KSR2: variants seen among roughly 807,000 people sequenced by gnomAD.
KSR2 encodes the protein kinase suppressor of ras 2.
A neutral mutation model predicts 107.8 loss-of-function variants in KSR2; 25 were observed. The observed-to-expected ratio is 0.23, with a 90% CI of 0.17 to 0.32. The LOEUF is 0.32. KSR2 is among the 10% of genes least tolerant of loss of function. The pLI is 1.00. For synonymous variants in KSR2, 480 were observed against 507.0 expected (o/e 0.95, Z 0.71); for missense variants, 887 against 1,268.9 (o/e 0.70, Z 4.57).
In KSR2 at chr12:117,636,917, G is replaced by T. The variant is rs571846723; in HGVS notation, c.1171+30557C>A. On this transcript the variant is annotated intron_variant, in intron 5 of 19. Coordinates refer to ENST00000339824, the MANE Select transcript of KSR2 (RefSeq NM_173598.6). ...TTGCCACATATATACCAAAGCATTA[G>T]AATTCAGAATACTTTTTTAGTTTCT... Among the ~76,000 whole-genome samples the T allele has an allele frequency of 3.3e-5, 5 of 151,902 alleles. No individual in the cohort carries two copies. In the East Asian group the frequency reaches 7.7e-4, roughly 23 times the overall value.
chr12:117,868,494 C>T (rs78620701), intron 1 of KSR2, among the ~76,000 whole-genome samples: 185 of 152,086 alleles, frequency 1.2e-3, no homozygotes, highest in African/African-American at 4.0e-3. Context: ...CCCCCATGTG[C>T]CAGGCCCATG....
intron 1 of KSR2, among the ~76,000 whole-genome samples, chr12:117,941,380 A>T (rs1895999920): frequency 6.6e-6 from 1 of 151,930 alleles, no homozygotes; most frequent in East Asian, 1.9e-4. Flanking sequence ...GGGGAAAAAA[A>T]ATCATCTTAA....
chr12:117,827,430 C>T (rs1048487482), intron 3 of KSR2, among the ~76,000 whole-genome samples: 35 of 152,202 alleles, frequency 2.3e-4, no homozygotes, highest in African/African-American at 8.4e-4. Flanking sequence ...AACAACCTGG[C>T]TCCAAGACTT....
At chr12:117,885,062 C>A (rs1326905638) in intron 1 of KSR2, among the ~76,000 whole-genome samples, 1 of 152,132 alleles carries the variant, frequency 6.6e-6, no homozygotes, top group African/African-American at 2.4e-5. Context: ...CTTCACCCAC[C>A]GGGGCCTCAG....
At chr12:117,966,794 C>T (rs918851458) in intron 1 of KSR2, among the ~76,000 whole-genome samples, 1 of 151,850 alleles carries the variant, frequency 6.6e-6, no homozygotes, top group Non-Finnish European at 1.5e-5. Context: ...AAAGCGAATC[C>T]GAGAAAAGCA....
chr12:117,687,135 C>T (rs1381183933), intron 4 of KSR2, among the ~76,000 whole-genome samples: 1 of 152,184 alleles, frequency 6.6e-6, no homozygotes, highest in African/African-American at 2.4e-5. Flanking sequence ...GCTTCCAGCA[C>T]GACCTTGGGC....
intron 5 of KSR2, among the ~76,000 whole-genome samples, chr12:117,623,499 A>T (rs1440981248): frequency 6.6e-6 from 1 of 151,938 alleles, no homozygotes; most frequent in East Asian, 1.9e-4. Flanking sequence ...TGTCCTTGTG[A>T]CTAGTTTGCT....
chr12:117,622,740 T>C (rs749157092), intron 5 of KSR2, among the ~76,000 whole-genome samples: 1 of 152,214 alleles, frequency 6.6e-6, no homozygotes, highest in Non-Finnish European at 1.5e-5. Context: ...AAATGTCATT[T>C]ACTCCACTTT....
At chr12:117,471,822 TA>T (rs963785174) in intron 17 of KSR2, among the ~76,000 whole-genome samples, 1 of 151,750 alleles carries the variant, frequency 6.6e-6, no homozygotes, top group Non-Finnish European at 1.5e-5. Flanking sequence ...TAACCTTAGG[TA>T]AAAAAAAGCA....
At chr12:117,880,949 C>T (rs997231760) in intron 1 of KSR2, among the ~76,000 whole-genome samples, 7 of 149,676 alleles carry the variant, frequency 4.7e-5, no homozygotes, top group Non-Finnish European at 8.8e-5. Context: ...GGATTACAGG[C>T]GTGAGCCACC....
At chr12:117,793,712 T>A (rs1890406230) in intron 3 of KSR2, among the ~76,000 whole-genome samples, 1 of 118,976 alleles carries the variant, frequency 8.4e-6, no homozygotes, top group Non-Finnish European at 1.7e-5. Context: ...GCACACACCA[T>A]GCACACTCAC....
intron 1 of KSR2, among the ~76,000 whole-genome samples, chr12:117,922,218 A>G (rs1302918209): frequency 6.6e-6 from 1 of 152,164 alleles, no homozygotes; most frequent in Non-Finnish European, 1.5e-5. Context: ...GCAACATCCT[A>G]CAAAATTTTC....
chr12:117,878,415 C>G (rs1316192663), intron 1 of KSR2, among the ~76,000 whole-genome samples: 3 of 152,184 alleles, frequency 2.0e-5, no homozygotes, highest in Admixed American at 1.3e-4. Flanking sequence ...GGGACCCACC[C>G]TCAGCACCCA....
At chr12:117,526,396 G>C (rs1413892021) in intron 13 of KSR2, among the ~76,000 whole-genome samples, 1 of 152,202 alleles carries the variant, frequency 6.6e-6, no homozygotes, top group Non-Finnish European at 1.5e-5. Context: ...GAAACAGCCT[G>C]AGAAGGTGGC....
At chr12:117,865,709 G>A (rs1020274865) in intron 1 of KSR2, among the ~76,000 whole-genome samples, 4 of 152,098 alleles carry the variant, frequency 2.6e-5, no homozygotes, top group African/African-American at 7.2e-5. Context: ...GTGACGTCAT[G>A]CCTCGTGCCT....
intron 4 of KSR2, among the ~76,000 whole-genome samples, chr12:117,712,602 T>C (rs1183202876): frequency 1.3e-5 from 2 of 152,198 alleles, no homozygotes; most frequent in Non-Finnish European, 2.9e-5. Context: ...AGGAGTAAAT[T>C]GTAAAATGCA....
chr12:117,929,009 T>G (rs1895618224), intron 1 of KSR2, among the ~76,000 whole-genome samples: 2 of 152,232 alleles, frequency 1.3e-5, no homozygotes, highest in Non-Finnish European at 2.9e-5. Context: ...GTCTCGCATG[T>G]GTCCTTTGGG....
chr12:117,828,737 A>G (rs1380933891), intron 3 of KSR2, among the ~76,000 whole-genome samples: 1 of 152,192 alleles, frequency 6.6e-6, no homozygotes, highest in Non-Finnish European at 1.5e-5. Flanking sequence ...GGCATCCAGT[A>G]TCCATACCAC....
chr12:117,695,718 C>CAA (rs772747653), intron 4 of KSR2, among the ~76,000 whole-genome samples: 13 of 68,268 alleles, frequency 1.9e-4, no homozygotes, highest in African/African-American at 2.6e-4. Flanking sequence ...CTCAAACAAA[C>CAA]AAAAAAAAAA....
Sources: allele counts gnomAD v4.1 joint callset (sites outside exome capture counted in the v4.1 genomes callset), GRCh38; gene constraint gnomAD v4.1.1; transcripts MANE v1.5; gene names NCBI Gene and HGNC (gene_info 2026-07-23, HGNC 2026-07-21).